The following BAALC variants were observed in gnomAD, a reference collection of about 807,000 sequenced individuals.
The protein encoded by BAALC is brain and acute leukemia cytoplasmic protein.
BAALC carries 9 observed loss-of-function variants against 15.5 expected under a neutral mutation model. The observed-to-expected ratio is 0.58, with a 90% CI of 0.35 to 1.02. BAALC has a LOEUF of 1.02. Among genes scored for constraint, BAALC ranks in the 50% least tolerant of loss-of-function variants. The pLI, the probability that BAALC is intolerant of heterozygous loss-of-function variation, is 0.02. For missense variants in BAALC, 201 were observed against 192.4 expected, an observed-to-expected ratio of 1.04 and a Z score of -0.27; for synonymous variants, 80 against 74.6, an observed-to-expected ratio of 1.07 and a Z score of -0.37.
chr8:103,140,781 C>G lies in BAALC; in HGVS notation c.-117C>G, dbSNP rs1198443150. The stretch of plus-strand genomic sequence containing the variant: ...CGCGCGGCTGCAGCGCGGGCGGGAG[C>G]GGGGACGCGATGTCGCCGCCGCCGC... On this transcript the variant is annotated 5_prime_UTR_variant, in exon 1 of 3. Transcript: ENST00000309982. The surrounding 1 kb of genome is among the most constrained non-coding windows in gnomAD (Gnocchi z 4.2). The G allele has an allele frequency of 1.6e-5, 15 of 949,660 alleles. No homozygotes were observed. The highest frequency in any genetic ancestry group is 4.2e-4 in the Middle Eastern group (1 of 2,404). 58.8% of individuals were successfully genotyped at this position (949,660 alleles called of 1,614,324 possible).
At chr8:103,172,316 A>G (rs1811515144) in intron 1 of BAALC, among the ~76,000 whole-genome samples, 1 of 151,988 alleles carries the variant, frequency 6.6e-6, no homozygotes, top group Non-Finnish European at 1.5e-5. Context: ...TATCCTATCC[A>G]AGAAAGCATC....
chr8:103,146,012 A>C (rs1254956321), intron 1 of BAALC, among the ~76,000 whole-genome samples: 1 of 152,218 alleles, frequency 6.6e-6, no homozygotes, highest in Non-Finnish European at 1.5e-5. Flanking sequence ...AAGATAAAAG[A>C]CATCTTTTTT....
At chr8:103,214,513 G>A (rs1411950926) in intron 2 of BAALC, among the ~76,000 whole-genome samples, 1 of 152,192 alleles carries the variant, frequency 6.6e-6, no homozygotes, top group Non-Finnish European at 1.5e-5. Flanking sequence ...AATGCCACCT[G>A]TTTTCTGAGA....
intron 1 of BAALC, among the ~76,000 whole-genome samples, chr8:103,181,911 A>G (rs889707832): frequency 6.6e-5 from 10 of 152,212 alleles, no homozygotes; most frequent in African/African-American, 1.7e-4. Flanking sequence ...TATGCTGTTC[A>G]CTGAACATAA....
chr8:103,157,136 ACAC>A (rs1380885208), intron 1 of BAALC: 1 of 151,942 alleles, frequency 6.6e-6, no homozygotes, highest in Admixed American at 6.6e-5. Flanking sequence ...ACACACACAC[ACAC>A]ACACACACAC....
chr8:103,195,058 T>C (rs890075486), intron 1 of BAALC, among the ~76,000 whole-genome samples: 2 of 152,192 alleles, frequency 1.3e-5, no homozygotes, highest in African/African-American at 4.8e-5. Context: ...TTTTTGAGGC[T>C]GGAGACCCTT....
intron 1 of BAALC, among the ~76,000 whole-genome samples, chr8:103,164,282 G>T (rs1400158366): frequency 6.6e-6 from 1 of 152,180 alleles, no homozygotes; most frequent in Non-Finnish European, 1.5e-5. Flanking sequence ...GGAGAGGGAT[G>T]TGGGGTAGGA....
intron 2 of BAALC, among the ~76,000 whole-genome samples, chr8:103,222,991 G>A (rs1172816900): frequency 6.6e-6 from 1 of 152,174 alleles, no homozygotes; most frequent in African/African-American, 2.4e-5. Flanking sequence ...GTAGGTTTCT[G>A]GGATGTGGGA....
In BAALC at chr8:103,197,254, A is replaced by T. The variant is rs1296712200; in HGVS notation, c.161-15665A>T. 3.9e-5 allele frequency among the ~76,000 whole-genome samples: 6 copies of T among 152,298 alleles called. No individual in the cohort carries two copies. In the East Asian group the frequency reaches 1.2e-3, roughly 29 times the overall value. On this transcript the variant is annotated intron_variant, in intron 1 of 2. Transcript: ENST00000309982. ...AAGGAAAGGTTTTAGAGTCTGGCAG[A>T]TCTGGGCGGAAGCCTGGCTCTGGCA...
intron 1 of BAALC, among the ~76,000 whole-genome samples, chr8:103,192,465 G>A (rs1028307270): frequency 6.6e-6 from 1 of 152,198 alleles, no homozygotes; most frequent in African/African-American, 2.4e-5. Flanking sequence ...CATTTAGATT[G>A]TGGCTATAGA....
In BAALC at chr8:103,154,183, G is replaced by C. The variant is rs943689528; in HGVS notation, c.160+13126G>C. On this transcript the variant is annotated intron_variant, in intron 1 of 2. Coordinates refer to ENST00000309982, the MANE Select transcript of BAALC (RefSeq NM_024812.3). ...ATTAATTGGGTGCTCAGCATGTGCC[G>C]GGCTTTGCAGATTTATTAGCTAACT... 2.0e-5 allele frequency among the ~76,000 whole-genome samples: 3 copies of C among 152,190 alleles called. No homozygotes were observed. The East Asian group carries it at 5.8e-4, about 29-fold the overall frequency.
intron 1 of BAALC, among the ~76,000 whole-genome samples, chr8:103,204,977 CCAGA>C (rs1563653073): frequency 6.6e-6 from 1 of 152,152 alleles, no homozygotes; most frequent in African/African-American, 2.4e-5. Flanking sequence ...ACCTGAGAGC[CCAGA>C]CAGTGTTTGA....
chr8:103,196,768 A>C (rs533959837), intron 1 of BAALC, among the ~76,000 whole-genome samples: 1 of 152,282 alleles, frequency 6.6e-6, no homozygotes, highest in African/African-American at 2.4e-5. Flanking sequence ...TCCTCCCTGG[A>C]GCAGAGATTG....
chr8:103,162,543 T>C (rs1247194926), intron 1 of BAALC, among the ~76,000 whole-genome samples: 1 of 152,170 alleles, frequency 6.6e-6, no homozygotes, highest in East Asian at 1.9e-4. Context: ...TCAGCATGTT[T>C]GCATAACTGC....
At chr8:103,151,593 A>C (rs888379367) in intron 1 of BAALC, among the ~76,000 whole-genome samples, 3 of 152,052 alleles carry the variant, frequency 2.0e-5, no homozygotes, top group African/African-American at 7.2e-5. Flanking sequence ...GCTGCCCAGC[A>C]TTTCTGGAAA....
intron 1 of BAALC, among the ~76,000 whole-genome samples, chr8:103,142,202 A>G (rs1053586086): frequency 6.6e-6 from 1 of 152,268 alleles, no homozygotes; most frequent in African/African-American, 2.4e-5. Flanking sequence ...TCTTAAATCC[A>G]TGCCTACTAA....
chr8:103,185,562 A>G (rs1167714095), intron 1 of BAALC, among the ~76,000 whole-genome samples: 1 of 152,262 alleles, frequency 6.6e-6, no homozygotes, highest in African/African-American at 2.4e-5. Flanking sequence ...TTGCTATAAC[A>G]AAGACATCAG....
At chr8:103,146,780 G>A (rs1810889370) in intron 1 of BAALC, among the ~76,000 whole-genome samples, 1 of 152,156 alleles carries the variant, frequency 6.6e-6, no homozygotes, top group Admixed American at 6.5e-5. Context: ...TTTGTTATAA[G>A]CTGTTTCTTA....
At chr8:103,156,945 C>T (rs558723370) in intron 1 of BAALC, 3 of 152,410 alleles carry the variant, frequency 2.0e-5, no homozygotes, top group Admixed American at 2.0e-4. Context: ...CACGGGGACC[C>T]AGAGAGAGTG....
Sources: gnomAD v4.1 joint callset for allele counts (sites outside exome capture counted in the v4.1 genomes callset) on GRCh38, gnomAD v4.1.1 for gene constraint, Gnocchi (gnomAD v3.1) non-coding constraint, MANE v1.5 for transcripts, NCBI Gene and HGNC (gene_info 2026-07-23, HGNC 2026-07-21) for gene names.